The following C1QTNF8 variants were observed in gnomAD, a reference collection of about 807,000 sequenced individuals.
C1QTNF8 encodes complement C1q tumor necrosis factor-related protein 8.
In C1QTNF8, 27 loss-of-function variants were observed where a neutral mutation model predicts 19.2. The ratio of observed to expected loss-of-function variants is 1.41; its 90% CI spans 1.04 to 1.94. C1QTNF8 has a LOEUF of 1.94. C1QTNF8 is among the 30% of genes most tolerant of loss of function. C1QTNF8 has a pLI of 0.00. For synonymous variants in C1QTNF8, 208 were observed against 172.8 expected, an observed-to-expected ratio of 1.20 and a Z score of -1.60; for missense variants, 484 against 374.4, an observed-to-expected ratio of 1.29 and a Z score of -2.42.
At position 1,093,458 on chromosome 16, in the gene C1QTNF8, G is replaced by A. The variant is rs201167830; in HGVS notation, c.*4+39C>T. On this transcript the variant is annotated intron_variant, in intron 4 of 4. Coordinates refer to ENST00000328449, the MANE Select transcript of C1QTNF8 (RefSeq NM_207419.3). ...CACACACACAGACACACACACACACGCGCGCGCGCGCCCGGTGCTCAGCCG... is the reference window on the plus strand; with the variant it reads ...CACACACACAGACACACACACACACACGCGCGCGCGCCCGGTGCTCAGCCG... The A allele has an allele frequency of 1.8e-3, 1,850 of 1,056,300 alleles. 10 individuals carry two copies. Among genetic ancestry groups the A allele is most frequent in the Admixed American group, 2.3e-3 (61 of 26,232 alleles). The allele number at this position is 1,056,300 out of a possible 1,614,324, so 65.4% of individuals were successfully genotyped here.
At chr16:1,095,500 C>G (rs1960667515) in intron 2 of C1QTNF8, 115 bp downstream of exon 2, 1 of 152,272 alleles carries the variant, frequency 6.6e-6, no homozygotes, top group Non-Finnish European at 1.5e-5. Flanking sequence ...ATGGTCCCAC[C>G]TTGGTGCCGA....
chr16:1,093,423 C>T lies in C1QTNF8; in HGVS notation c.*4+74G>A, dbSNP rs1960602240. 3 of 1,047,416 alleles carry T rather than the reference C, an allele frequency of 2.9e-6. No individual in the cohort carries two copies. The South Asian group carries it at 5.2e-5, about 18-fold the overall frequency. 64.9% of individuals were successfully genotyped at this position (1,047,416 alleles called of 1,614,324 possible). ...ACCCACACACACACACCCACACCCA[C>T]CCCCACACACACACACACAGACACA... On this transcript the variant is annotated intron_variant, in intron 4 of 4. Transcript: ENST00000328449.
rs7195444 is a variant in C1QTNF8, at chr16:1,090,607, G to C, written c.*5-13C>G. 3.1e-4 allele frequency: 47 copies of C among 152,472 alleles called. No individual in the cohort carries two copies. The highest frequency in any genetic ancestry group is 1.1e-3 in the African/African-American group (46 of 41,576). The allele number at this position is 152,472 out of a possible 1,614,324, so 9.4% of individuals were successfully genotyped here. A position where few individuals can be genotyped will look rare whatever the true frequency, so the allele number is the denominator to read the frequency against. The stretch of plus-strand genomic sequence containing the variant: ...GGCGGACGTCTGTCTGTAAGGAGGG[G>C]ACGGCACTTCCTGAGGGTGGGGCTG... On this transcript the variant is annotated splice_polypyrimidine_tract_variant and intron_variant, in intron 4 of 4. Transcript: ENST00000328449.
At chr16:1,093,347 AC>A (rs1960598096) in intron 4 of C1QTNF8, 149 bp downstream of exon 4, 1 of 621,510 alleles carries the variant, frequency 1.6e-6, no homozygotes, top group African/African-American at 2.0e-5. Flanking sequence ...ATCACTGCAC[AC>A]AGTCGGCGCT....
At chr16:1,094,511 G>C in intron 3 of C1QTNF8, 2 of 499,942 alleles carry the variant, frequency 4.0e-6, no homozygotes, top group Non-Finnish European at 7.0e-6. Context: ...ACCCCACTTT[G>C]GTTCATGGGT....
In C1QTNF8 at chr16:1,093,919, C is replaced by A; in HGVS notation, c.341G>T (p.Arg114Leu). ...QVGPPGAACRRAYAAFSVGRR... is the reference protein window; with the variant it reads ...QVGPPGAACRLAYAAFSVGRR... ...GCCCACGGAGAAGGCGGCGTAGGCACGTCGGCACGCGGCGCCCGGCGGCCC... is the reference window on the plus strand; with the variant it reads ...GCCCACGGAGAAGGCGGCGTAGGCAAGTCGGCACGCGGCGCCCGGCGGCCC... Residue 114 changes from arginine (R) to leucine (L), a missense_variant, in exon 4 of 5, where the codon CGT becomes CTT. By Grantham distance (102) the Arg-to-Leu change is moderately radical (BLOSUM62 -2). Coordinates refer to ENST00000328449, the MANE Select transcript of C1QTNF8 (RefSeq NM_207419.3). 1 of 1,520,700 alleles carries A rather than the reference C, an allele frequency of 6.6e-7. No individual in the cohort carries two copies. The highest frequency in any genetic ancestry group is 8.7e-7 in the Non-Finnish European group (1 of 1,145,786). 94.2% of individuals were successfully genotyped at this position (1,520,700 alleles called of 1,614,324 possible).
chr16:1,091,126 G>A (rs151126004), intron 4 of C1QTNF8, among the ~76,000 whole-genome samples: 24 of 152,280 alleles, frequency 1.6e-4, no homozygotes, highest in East Asian at 1.2e-3. Context: ...TCCATGGGCC[G>A]GGATGTCCCA....
chr16:1,096,273 G>GC (rs1255305766), upstream of C1QTNF8: 1 of 152,284 alleles, frequency 6.6e-6, no homozygotes, highest in Non-Finnish European at 1.5e-5. Context: ...CGAGAGGCCA[G>GC]CTCCGCCGAG....
rs996716984 is a variant in C1QTNF8 at position 1,093,736 on chromosome 16, T to C, written c.524A>G (p.Tyr175Cys). The C allele has an allele frequency of 8.1e-6, 13 of 1,612,164 alleles. No individual in the cohort carries two copies. The highest frequency in any genetic ancestry group is 1.0e-5 in the Non-Finnish European group (12 of 1,179,646). Residue 175 changes from tyrosine (Y) to cysteine (C), a missense_variant, in exon 4 of 5, where the codon TAC (tyrosine) becomes TGC (cysteine). Transcript: ENST00000328449. ...CATGATGTGCAGGTAGGTCTCCTTG[T>C]AGTTCCAGGTGTGCACGTTGAGGCT... ...FLSLNVHTWNYKETYLHIMLN... is the reference protein window; with the variant it reads ...FLSLNVHTWNCKETYLHIMLN...
chr16:1,088,913 C>T lies in C1QTNF8; in HGVS notation c.*1686G>A, dbSNP rs372521899. ...CCTGTCCCTCGGAATAAGCGCCTGG[C>T]TTCGGGGCTGCTGTGGTCACGTCTG... On this transcript the variant is annotated 3_prime_UTR_variant, in exon 5 of 5. Transcript: ENST00000328449. 4.3e-4 allele frequency among the ~76,000 whole-genome samples: 66 copies of T among 152,076 alleles called. No homozygotes were observed. The highest frequency in any genetic ancestry group is 1.5e-3 in the African/African-American group (64 of 41,432).
In C1QTNF8 at chr16:1,093,497, C is replaced by T. The variant is rs776574109; in HGVS notation, c.*4G>A. 1.2e-5 allele frequency: 19 copies of T among 1,520,528 alleles called. No individual in the cohort carries two copies. Among genetic ancestry groups the T allele is most frequent in the Non-Finnish European group, 1.6e-5 (18 of 1,133,834 alleles). 94.2% of individuals were successfully genotyped at this position (1,520,528 alleles called of 1,614,324 possible). A position where few individuals can be genotyped will look rare whatever the true frequency, so the allele number is the denominator to read the frequency against. ...GGTGCTCAGCCGCGGGGCCCCTCAC[C>T]CGGCTACAGCTCGGCGGCCGGCTTG... On this transcript the variant is annotated splice_region_variant and 3_prime_UTR_variant, in exon 4 of 5. Transcript: ENST00000328449.
chr16:1,093,679 G>T lies in C1QTNF8; in HGVS notation c.581C>A (p.Ala194Glu), dbSNP rs760417361. Residue 194 changes from alanine (A) to glutamate (E), a missense_variant, in exon 4 of 5, where the codon GCG (alanine) becomes GAG (glutamate). Ala to Glu is a moderately radical substitution (Grantham distance 107). Coordinates refer to ENST00000328449, the MANE Select transcript of C1QTNF8 (RefSeq NM_207419.3). ...LNRRPAAVLY[A>E]QPSERSVMQA... ...CATGACGCTGCGCTCGCTGGGCTGC[G>T]CGTAGAGCACGGCCGCGGGCCGCCG... The T allele has an allele frequency of 1.4e-5, 22 of 1,610,532 alleles. No homozygotes were observed. The Admixed American group carries it at 3.3e-4, about 25-fold the overall frequency.
chr16:1,094,814 C>T lies in C1QTNF8; in HGVS notation c.109G>A (p.Gly37Arg). 3 of 1,496,610 alleles carry T rather than the reference C, an allele frequency of 2.0e-6. No homozygotes were observed. The highest frequency in any genetic ancestry group is 2.7e-6 in the Non-Finnish European group (3 of 1,123,302). The allele number at this position is 1,496,610 out of a possible 1,614,324, so 92.7% of individuals were successfully genotyped here. Residue 37 changes from glycine (G) to arginine (R), a missense_variant, in exon 3 of 5, where the codon GGA becomes AGA. Physicochemically the swap from Gly to Arg is moderately radical, Grantham distance 125 (BLOSUM62 -2). Transcript: ENST00000328449. The part of the protein sequence containing the change: ...VHCCRPAWPP[G>R]PYARVSDRDL... ...CTGTCACTCACCCGGGCATAGGGTCCAGGGGGCCAGGCCGGGCGGCAGCAG... is the reference window on the plus strand; with the variant it reads ...CTGTCACTCACCCGGGCATAGGGTCTAGGGGGCCAGGCCGGGCGGCAGCAG...
rs1960488005 is a variant in C1QTNF8 at position 1,088,891 on chromosome 16, G to C, written c.*1708C>G. Among the ~76,000 whole-genome samples the C allele has an allele frequency of 6.7e-6, 1 of 150,244 alleles. No individual in the cohort carries two copies. The highest frequency in any genetic ancestry group is 2.5e-5 in the African/African-American group (1 of 40,400). ...ACGTCTGTGCGGGGAGGTCCAGCCT[G>C]TCCCTCGGAATAAGCGCCTGGCTTC... On this transcript the variant is annotated 3_prime_UTR_variant, in exon 5 of 5. Transcript: ENST00000328449.
intron 4 of C1QTNF8, 106 bp downstream of exon 4, chr16:1,093,391 C>A: frequency 4.1e-6 from 2 of 490,094 alleles, no homozygotes; most frequent in Non-Finnish European, 6.8e-6. Flanking sequence ...CCACCACACC[C>A]ACACCCACCC....
rs1010367511 is a variant in C1QTNF8 at position 1,088,952 on chromosome 16, G to A, written c.*1647C>T. Among the ~76,000 whole-genome samples, 1 of 152,160 alleles carries A rather than the reference G, an allele frequency of 6.6e-6. No individual in the cohort carries two copies. Among genetic ancestry groups the A allele is most frequent in the African/African-American group, 2.4e-5 (1 of 41,442 alleles). On this transcript the variant is annotated 3_prime_UTR_variant, in exon 5 of 5. Transcript: ENST00000328449. Reference sequence around the variant, plus strand: ...TGGTCACGTCTGGGTCCTTGGCTGGGCCTGGTGACGGGCACTTTCTGAGCT... The same window carrying A: ...TGGTCACGTCTGGGTCCTTGGCTGGACCTGGTGACGGGCACTTTCTGAGCT...
rs758149334 is a variant in C1QTNF8, at chr16:1,093,837, C to G, written c.423G>C (p.Glu141Asp). 7.5e-6 allele frequency: 12 copies of G among 1,607,664 alleles called. No individual in the cohort carries two copies. The highest frequency in any genetic ancestry group is 8.5e-6 in the Non-Finnish European group (10 of 1,179,274). Residue 141 changes from glutamate (E) to aspartate (D), a missense_variant, in exon 4 of 5, where the codon GAG (glutamate) becomes GAC (aspartate). Coordinates refer to ENST00000328449, the MANE Select transcript of C1QTNF8 (RefSeq NM_207419.3). ...CGAAGGCGCCGTCCAGGTTCACCAGCTCCGTGTCGAAGGGCACCGCCTGGA... is the reference window on the plus strand; with the variant it reads ...CGAAGGCGCCGTCCAGGTTCACCAGGTCCGTGTCGAAGGGCACCGCCTGGA... The part of the protein sequence containing the change: ...DHFQAVPFDT[E>D]LVNLDGAFDL...
At position 1,094,699 on chromosome 16, in the gene C1QTNF8, C is replaced by T. The variant is rs781049401; in HGVS notation, c.208+16G>A. ...TCCTGGTGGGGGAGCATGCAGGCAGCACCCACGGGCCTCACCTTTGAGGAT... is the reference window on the plus strand; with the variant it reads ...TCCTGGTGGGGGAGCATGCAGGCAGTACCCACGGGCCTCACCTTTGAGGAT... On this transcript the variant is annotated intron_variant, in intron 3 of 4. Transcript: ENST00000328449. 1.3e-6 allele frequency: 2 copies of T among 1,591,596 alleles called. No homozygotes were observed. The highest frequency in any genetic ancestry group is 8.6e-7 in the Non-Finnish European group (1 of 1,168,830).
At position 1,093,230 on chromosome 16, in the gene C1QTNF8, A is replaced by AGCACACAGTCGGCGCTCAACCAATCACT. The variant is rs1567392599; in HGVS notation, c.*4+266_*4+267insAGTGATTGGTTGAGCGCCGACTGTGTGC. Among the ~76,000 whole-genome samples, 166 of 92,536 alleles carry AGCACACAGTCGGCGCTCAACCAATCACT rather than the reference A, an allele frequency of 1.8e-3. 3 individuals are homozygous for AGCACACAGTCGGCGCTCAACCAATCACT. The highest frequency in any genetic ancestry group is 8.3e-3 in the African/African-American group (149 of 17,924). The allele number at this position is 92,536 out of a possible 152,430, so 60.7% of individuals were successfully genotyped here. The stretch of plus-strand genomic sequence containing the variant: ...ACACAGTCGGCGCTCAACCAATCAC[A>AGCACACAGTCGGCGCTCAACCAATCACT]GCACACAGTCGGCGCTCAACCAATC... On this transcript the variant is annotated intron_variant, in intron 4 of 4. Transcript: ENST00000328449.
Sources: gnomAD v4.1 joint callset for allele counts (sites outside exome capture counted in the v4.1 genomes callset) on GRCh38, gnomAD v4.1.1 for gene constraint, MANE v1.5 for transcripts, NCBI Gene and HGNC (gene_info 2026-07-23, HGNC 2026-07-21) for gene names.